Variants in SULF2 observed in about 807,000 individuals in gnomAD.
SULF2 encodes sulfatase 2.
SULF2 carries 52 observed loss-of-function variants against 107.7 expected under a neutral mutation model. That is an observed-to-expected ratio of 0.48 (90% CI 0.39 to 0.61). The LOEUF (loss-of-function observed/expected upper bound fraction) is 0.61. Among genes scored for constraint, SULF2 ranks in the 20% least tolerant of loss-of-function variants. The probability of loss-of-function intolerance (pLI) is 0.00; values close to 1 mark genes in which losing one functional copy is unlikely to be tolerated. For synonymous variants in SULF2, 460 were observed against 464.3 expected (o/e 0.99, Z 0.12); for missense variants, 993 against 1,177.3 (o/e 0.84, Z 2.29).
At chr20:47,775,194 G>T (rs2146982690) in intron 1 of SULF2, among the ~76,000 whole-genome samples, 1 of 152,352 alleles carries the variant, frequency 6.6e-6, no homozygotes, top group South Asian at 2.1e-4. Flanking sequence ...GGTGGCAGAA[G>T]TGATGCTGTG....
At chr20:47,776,841 C>G (rs1396869584) in intron 1 of SULF2, among the ~76,000 whole-genome samples, 2 of 152,238 alleles carry the variant, frequency 1.3e-5, no homozygotes, top group African/African-American at 4.8e-5. Context: ...CCAATCCTCC[C>G]AGCCACCTGC....
intron 4 of SULF2, among the ~76,000 whole-genome samples, chr20:47,700,802 C>T (rs1164413806): frequency 1.3e-5 from 2 of 152,082 alleles, no homozygotes; most frequent in South Asian, 2.1e-4. Flanking sequence ...CCCGCCACCA[C>T]GCAGGGCTAA....
intron 3 of SULF2, among the ~76,000 whole-genome samples, chr20:47,720,144 G>T (rs1156394477): frequency 3.3e-5 from 5 of 152,024 alleles, no homozygotes; most frequent in Non-Finnish European, 7.4e-5. Flanking sequence ...TATTAGAGAC[G>T]GGGTTTCACG....
chr20:47,731,718 G>A (rs1016588005), intron 3 of SULF2, among the ~76,000 whole-genome samples: 2 of 152,228 alleles, frequency 1.3e-5, no homozygotes, highest in Non-Finnish European at 2.9e-5. Flanking sequence ...AGAAGGAGAT[G>A]TCCATTTTCA....
upstream of SULF2, chr20:47,786,342 C>T (rs1310037479): frequency 6.6e-6 from 1 of 152,164 alleles, no homozygotes; most frequent in Non-Finnish European, 1.5e-5. Context: ...TGCGACAGCC[C>T]CGGCCGGGCG....
intron 1 of SULF2, among the ~76,000 whole-genome samples, chr20:47,758,618 C>A (rs1371969945): frequency 6.6e-6 from 1 of 152,042 alleles, no homozygotes; most frequent in Non-Finnish European, 1.5e-5. Flanking sequence ...AAGGTGGGTG[C>A]GGGGAGGTGG....
chr20:47,658,281 G>T lies in SULF2; in HGVS notation c.*81C>A. 1 of 1,491,420 alleles carries T rather than the reference G, an allele frequency of 6.7e-7. No homozygotes were observed. Among genetic ancestry groups the T allele is most frequent in the Non-Finnish European group, 9.4e-7 (1 of 1,068,034 alleles). The allele number at this position is 1,491,420 out of a possible 1,614,324, so 92.4% of individuals were successfully genotyped here. A position where few individuals can be genotyped will look rare whatever the true frequency, so the allele number is the denominator to read the frequency against. On this transcript the variant is annotated 3_prime_UTR_variant, in exon 21 of 21. Coordinates refer to ENST00000688720, the MANE Select transcript of SULF2 (RefSeq NM_001387048.1). Reference sequence around the variant, plus strand: ...TCCTGGCCAATACCACAGGTCTGCTGGAAATCACCCACATGGTTTTTCATT... The same window carrying T: ...TCCTGGCCAATACCACAGGTCTGCTTGAAATCACCCACATGGTTTTTCATT...
At chr20:47,727,134 A>C (rs924493941) in intron 3 of SULF2, among the ~76,000 whole-genome samples, 3 of 152,172 alleles carry the variant, frequency 2.0e-5, no homozygotes, top group Non-Finnish European at 4.4e-5. Flanking sequence ...TATATGCTCA[A>C]GTCCTTGCCC....
At chr20:47,768,607 G>A (rs1051219782) in intron 1 of SULF2, among the ~76,000 whole-genome samples, 7 of 152,234 alleles carry the variant, frequency 4.6e-5, no homozygotes, top group Admixed American at 6.5e-5. Context: ...CCAACTCTCC[G>A]CCTTACTGAG....
intron 1 of SULF2, among the ~76,000 whole-genome samples, chr20:47,769,344 C>G (rs946962542): frequency 1.3e-5 from 2 of 150,668 alleles, no homozygotes; most frequent in African/African-American, 4.9e-5. Flanking sequence ...CCGGCCACAC[C>G]TGCCTAATTT....
chr20:47,671,184 TTCTG>T (rs1488435111), intron 11 of SULF2, among the ~76,000 whole-genome samples: 1 of 152,256 alleles, frequency 6.6e-6, no homozygotes, highest in African/African-American at 2.4e-5. Context: ...GCTCCCTGGC[TTCTG>T]TCTGACTGTC....
chr20:47,684,429 A>G lies in SULF2; in HGVS notation c.888+2T>C. Reference sequence around the variant, plus strand: ...ACCAAGAGGCATGCAGCGGGCGCCTACCGTCTCCATGGAGTCGTCCACCGA... The same window carrying G: ...ACCAAGAGGCATGCAGCGGGCGCCTGCCGTCTCCATGGAGTCGTCCACCGA... On this transcript the variant is annotated splice_donor_variant, in intron 6 of 20. Transcript: ENST00000688720. LOFTEE classifies it high-confidence loss of function. 6.2e-7 allele frequency: 1 copy of G among 1,606,254 alleles called. No homozygotes were observed. The highest frequency in any genetic ancestry group is 8.5e-7 in the Non-Finnish European group (1 of 1,176,116).
At chr20:47,752,580 A>C (rs1017504432) in intron 2 of SULF2, among the ~76,000 whole-genome samples, 40 of 150,224 alleles carry the variant, frequency 2.7e-4, no homozygotes, top group Non-Finnish European at 5.1e-4. Flanking sequence ...AAAAAAAAAA[A>C]AAACCCCAAA....
rs561857563 is a variant in SULF2 at position 47,707,297 on chromosome 20, A to G, written c.416-4627T>C. Among the ~76,000 whole-genome samples, 28 of 152,004 alleles carry G rather than the reference A, an allele frequency of 1.8e-4. No homozygotes were observed. In the South Asian group the frequency reaches 5.4e-3, roughly 29 times the overall value. On this transcript the variant is annotated intron_variant, in intron 3 of 20. Transcript: ENST00000688720. Reference sequence around the variant, plus strand: ...AGCCACCCTGTCCGGCAGTTTTATTATTTTTTATTCTTCTTTTTTCTCCAT... The same window carrying G: ...AGCCACCCTGTCCGGCAGTTTTATTGTTTTTTATTCTTCTTTTTTCTCCAT...
chr20:47,715,293 C>T lies in SULF2; in HGVS notation c.416-12623G>A, dbSNP rs778904700. On this transcript the variant is annotated intron_variant, in intron 3 of 20. Coordinates refer to ENST00000688720, the MANE Select transcript of SULF2 (RefSeq NM_001387048.1). Reference sequence around the variant, plus strand: ...CTATTCAAATGGCATCTCCCCACACCGCCCAGGCTCTCCCCTTTCCCCCGA... The same window carrying T: ...CTATTCAAATGGCATCTCCCCACACTGCCCAGGCTCTCCCCTTTCCCCCGA... 7.9e-5 allele frequency among the ~76,000 whole-genome samples: 12 copies of T among 152,092 alleles called. No individual in the cohort carries two copies. The South Asian group carries it at 8.3e-4, about 11-fold the overall frequency.
At chr20:47,784,489 G>A (rs1568940447) in intron 1 of SULF2, among the ~76,000 whole-genome samples, 1 of 151,892 alleles carries the variant, frequency 6.6e-6, no homozygotes, top group Non-Finnish European at 1.5e-5. Context: ...GGGGAGTTGC[G>A]GACCGAGGCC....
At chr20:47,763,938 A>G (rs911704444) in intron 1 of SULF2, among the ~76,000 whole-genome samples, 1 of 152,184 alleles carries the variant, frequency 6.6e-6, no homozygotes, top group African/African-American at 2.4e-5. Flanking sequence ...CAAAGGGGCT[A>G]CAAGAACCCA....
intron 2 of SULF2, among the ~76,000 whole-genome samples, chr20:47,742,458 C>T (rs1305081169): frequency 6.6e-6 from 1 of 152,160 alleles, no homozygotes. Context: ...CACTCTGACA[C>T]CTCTGTGACT....
At chr20:47,706,418 G>C (rs2088739542) in intron 3 of SULF2, 1 of 152,150 alleles carries the variant, frequency 6.6e-6, no homozygotes, top group Non-Finnish European at 1.5e-5. Context: ...GGCTTTGTGG[G>C]CCAGAGGGTC....
Sources: gnomAD v4.1 joint callset for allele counts (sites outside exome capture counted in the v4.1 genomes callset) on GRCh38, gnomAD v4.1.1 for gene constraint, MANE v1.5 for transcripts, NCBI Gene and HGNC (gene_info 2026-07-23, HGNC 2026-07-21) for gene names.